Variants in PBX1 observed in about 807,000 individuals in gnomAD.
The protein encoded by PBX1 is PBX homeobox 1, also known as pre-B-cell leukemia transcription factor 1.
Under a neutral mutation model 53.4 loss-of-function variants are expected in PBX1, and 6 were observed. The ratio of observed to expected loss-of-function variants is 0.11; its 90% confidence interval spans 0.06 to 0.22. The LOEUF (loss-of-function observed/expected upper bound fraction) is 0.22, where lower values mean the gene tolerates loss of function less well. Among genes scored for constraint, PBX1 ranks in the 10% least tolerant of loss-of-function variants. The pLI, the probability that PBX1 is intolerant of heterozygous loss-of-function variation, is 1.00. For synonymous variants in PBX1, 204 were observed against 212.3 expected (o/e 0.96, Z 0.34); for missense variants, 251 against 551.4 (o/e 0.46, Z 5.46).
At chr1:164,602,212 C>T (rs915292848) in intron 2 of PBX1, among the ~76,000 whole-genome samples, 2 of 152,050 alleles carry the variant, frequency 1.3e-5, no homozygotes, top group East Asian at 1.9e-4. Context: ...GTTTACAGTA[C>T]GCACAGGTAT....
chr1:164,603,962 T>C (rs943998975), intron 2 of PBX1, among the ~76,000 whole-genome samples: 1 of 127,038 alleles, frequency 7.9e-6, no homozygotes, highest in African/African-American at 2.9e-5. Context: ...TTTTTTTTTT[T>C]AGAGATGAGT....
At chr1:164,765,819 A>G (rs1423652981) in intron 2 of PBX1, among the ~76,000 whole-genome samples, 1 of 152,208 alleles carries the variant, frequency 6.6e-6, no homozygotes, top group Non-Finnish European at 1.5e-5. Context: ...ACTGTGAGTC[A>G]GATACTCTCA....
At chr1:164,749,819 A>G (rs1291355303) in intron 2 of PBX1, among the ~76,000 whole-genome samples, 1 of 152,176 alleles carries the variant, frequency 6.6e-6, no homozygotes, top group Non-Finnish European at 1.5e-5. Flanking sequence ...GGTGATTACC[A>G]GCATCTGACA....
intron 2 of PBX1, among the ~76,000 whole-genome samples, chr1:164,779,042 A>ATTT (rs11350510): frequency 7.6e-6 from 1 of 132,046 alleles, no homozygotes; most frequent in Non-Finnish European, 1.6e-5. Context: ...AAAGGAGATA[A>ATTT]TTTTTTTTTT....
intron 2 of PBX1, among the ~76,000 whole-genome samples, chr1:164,779,852 A>G (rs1456267624): frequency 6.6e-6 from 1 of 152,220 alleles, no homozygotes; most frequent in Non-Finnish European, 1.5e-5. Flanking sequence ...AGCAGATATC[A>G]CATGGGTTGG....
chr1:164,656,663 G>A (rs368573973), intron 2 of PBX1, among the ~76,000 whole-genome samples: 3 of 151,676 alleles, frequency 2.0e-5, no homozygotes, highest in African/African-American at 7.3e-5. Context: ...TGGCTATAGA[G>A]GAAAGTGACG....
intron 2 of PBX1, among the ~76,000 whole-genome samples, chr1:164,566,459 C>T (rs964563047): frequency 1.3e-5 from 2 of 152,142 alleles, no homozygotes; most frequent in Non-Finnish European, 1.5e-5. Context: ...TTTATCTGCT[C>T]GCTCATTCTA....
rs1553256088 is a variant in PBX1 at position 164,875,988 on chromosome 1, G to GTATGTATATATATATATATATATATATA, written n.258-23197_258-23196insGTATATATATATATATATATATATATAT. 1.7e-3 allele frequency among the ~76,000 whole-genome samples: 98 copies of GTATGTATATATATATATATATATATATA among 56,914 alleles called. 3 individuals are homozygous for GTATGTATATATATATATATATATATATA. Among genetic ancestry groups the GTATGTATATATATATATATATATATATA allele is most frequent in the East Asian group, 4.6e-3 (5 of 1,088 alleles). 37.3% of individuals were successfully genotyped at this position (56,914 alleles called of 152,430 possible). ...ATACCTATATATATTTGGTGTATGT[G>GTATGTATATATATATATATATATATATA]TATATATATATATATATACACACAT... On this transcript the variant is annotated intron_variant and non_coding_transcript_variant, in intron 2 of 2. Coordinates refer to the PBX1 transcript ENST00000558796.
intron 2 of PBX1, chr1:164,884,400 T>A (rs1243720393): frequency 3.9e-6 from 1 of 259,242 alleles, no homozygotes; most frequent in Non-Finnish European, 7.8e-6. Context: ...TAGCTGCTCA[T>A]TGAGATCTTG....
chr1:164,744,217 G>T (rs186587293), intron 2 of PBX1, among the ~76,000 whole-genome samples: 1 of 152,152 alleles, frequency 6.6e-6, no homozygotes, highest in African/African-American at 2.4e-5. Context: ...TCAAAATCAT[G>T]TGTCTGACTC....
At chr1:164,741,664 T>C (rs1347599681) in intron 2 of PBX1, among the ~76,000 whole-genome samples, 1 of 152,096 alleles carries the variant, frequency 6.6e-6, no homozygotes, top group East Asian at 1.9e-4. Flanking sequence ...GGCCATCATC[T>C]TACTTATGAT....
At chr1:164,635,927 G>A (rs1483781160) in intron 2 of PBX1, among the ~76,000 whole-genome samples, 4 of 152,134 alleles carry the variant, frequency 2.6e-5, no homozygotes, top group Non-Finnish European at 5.9e-5. Context: ...TTATTCACAA[G>A]CACAGCTCAT....
intron 2 of PBX1, among the ~76,000 whole-genome samples, chr1:164,761,685 C>T (rs924791888): frequency 4.6e-5 from 7 of 152,136 alleles, no homozygotes; most frequent in African/African-American, 1.4e-4. Flanking sequence ...CCTCATGATC[C>T]GCCCGTCTCG....
At position 164,559,349 on chromosome 1, in the gene PBX1, G is replaced by T. The variant is rs1038778941; in HGVS notation, c.-474G>T. 4 of 203,448 alleles carry T rather than the reference G, an allele frequency of 2.0e-5. No individual in the cohort carries two copies. The highest frequency in any genetic ancestry group is 4.0e-5 in the Non-Finnish European group (4 of 99,552). 12.6% of individuals were successfully genotyped at this position (203,448 alleles called of 1,614,324 possible). A position where few individuals can be genotyped will look rare whatever the true frequency, so the allele number is the denominator to read the frequency against. On this transcript the variant is annotated 5_prime_UTR_variant, in exon 1 of 9. Coordinates refer to ENST00000420696, the MANE Select transcript of PBX1 (RefSeq NM_002585.4). ...GGAGTGGGGGTGGGGGGCAGCGGGG[G>T]GTGGGGGGGGAAAGTTTGCATTGCA...
intron 2 of PBX1, chr1:164,684,946 C>T (rs1034789484): frequency 2.6e-5 from 4 of 152,164 alleles, no homozygotes; most frequent in African/African-American, 9.7e-5. Flanking sequence ...GGAACTTCAG[C>T]AAGAAGCAAA....
intron 2 of PBX1, among the ~76,000 whole-genome samples, chr1:164,745,001 A>G (rs1385055802): frequency 6.6e-6 from 1 of 152,136 alleles, no homozygotes; most frequent in Admixed American, 6.6e-5. Context: ...ATTCTCTACA[A>G]CAGACTTGCA....
chr1:164,671,714 G>A (rs1042662511), intron 2 of PBX1, among the ~76,000 whole-genome samples: 3 of 152,028 alleles, frequency 2.0e-5, no homozygotes, highest in Non-Finnish European at 4.4e-5. Flanking sequence ...TAAGTGGTGG[G>A]GGAGGTTAAG....
At chr1:164,884,080 C>G (rs1672723247) in intron 2 of PBX1, among the ~76,000 whole-genome samples, 2 of 152,132 alleles carry the variant, frequency 1.3e-5, no homozygotes, top group South Asian at 4.1e-4. Flanking sequence ...TAACCTTGAG[C>G]AAGTCATTTA....
At chr1:164,739,239 A>G (rs901566849) in intron 2 of PBX1, among the ~76,000 whole-genome samples, 2 of 152,184 alleles carry the variant, frequency 1.3e-5, no homozygotes, top group African/African-American at 4.8e-5. Flanking sequence ...GATCCAGTAT[A>G]TGTGTTTCTG....
Sources: allele counts gnomAD v4.1 joint callset (sites outside exome capture counted in the v4.1 genomes callset), GRCh38; gene constraint gnomAD v4.1.1; transcripts MANE v1.5; gene names NCBI Gene and HGNC (gene_info 2026-07-23, HGNC 2026-07-21).